Variants in CPM observed in about 807,000 individuals in gnomAD.
The protein encoded by CPM is renal carboxypeptidase.
Under a neutral mutation model 46.4 loss-of-function variants are expected in CPM, and 35 were observed. The observed-to-expected ratio is 0.75, with a 90% CI of 0.58 to 1.00. The LOEUF (loss-of-function observed/expected upper bound fraction) is 1.00. CPM is among the 50% of genes least tolerant of loss of function. The probability of loss-of-function intolerance (pLI) is 0.00; values close to 1 mark genes in which losing one functional copy is unlikely to be tolerated. For missense variants in CPM, 422 were observed against 530.4 expected, an observed-to-expected ratio of 0.80 and a Z score of 2.01; for synonymous variants, 195 against 195.3, an observed-to-expected ratio of 1.00 and a Z score of 0.01.
At chr12:68,961,905 A>ATTGTGGTAATAATGGCCGGGCGCGGTGG (rs1889120146) in intron 1 of CPM, among the ~76,000 whole-genome samples, 1 of 151,934 alleles carries the variant, frequency 6.6e-6, no homozygotes, top group African/African-American at 2.4e-5. Flanking sequence ...GTTTTAAAAA[A>ATTGTGGTAATAATGGCCGGGCGCGGTGG]CTGTGGTAAT....
chr12:68,907,817 G>GTTTATTTATTTA (rs1887416731), intron 2 of CPM, among the ~76,000 whole-genome samples: 1 of 141,806 alleles, frequency 7.1e-6, no homozygotes, highest in Non-Finnish European at 1.6e-5. Flanking sequence ...GGGCTGGGTT[G>GTTTATTTATTTA]GTTATTTATT....
Position 68,940,010 on chromosome 12 carries a change from T to G in CPM, c.-3-7170A>C, listed in dbSNP as rs185454236. 3.2e-3 allele frequency among the ~76,000 whole-genome samples: 493 copies of G among 152,046 alleles called. 5 individuals are homozygous for G. The highest frequency in any genetic ancestry group is 0.011 in the African/African-American group (466 of 41,566). The stretch of plus-strand genomic sequence containing the variant: ...GTGTATTAGTCTTTTCCTTCTGGAT[T>G]CATAGTTTTTTGATATATTCTTAGA... On this transcript the variant is annotated intron_variant, in intron 1 of 8. Transcript: ENST00000546373.
At chr12:68,874,809 G>A (rs189043751) in intron 3 of CPM, among the ~76,000 whole-genome samples, 2 of 152,220 alleles carry the variant, frequency 1.3e-5, no homozygotes, top group African/African-American at 4.8e-5. Context: ...CCCAAGTCAA[G>A]AACAGAGAGG....
chr12:68,947,642 T>G (rs1157134758), intron 1 of CPM, among the ~76,000 whole-genome samples: 1 of 151,638 alleles, frequency 6.6e-6, no homozygotes, highest in East Asian at 1.9e-4. Context: ...ATGACTAATT[T>G]TATTTATTAT....
chr12:68,853,260 T>C lies in CPM; in HGVS notation c.*3177A>G, dbSNP rs1327107038. On this transcript the variant is annotated 3_prime_UTR_variant, in exon 9 of 9. Coordinates refer to ENST00000551568, the MANE Select transcript of CPM (RefSeq NM_198320.5). The stretch of plus-strand genomic sequence containing the variant: ...AGTTGAAAAATTGCTTGGGGCTTGA[T>C]AGCAAATCAAGTTTCATCTTATATA... 1.3e-5 allele frequency: 2 copies of C among 152,188 alleles called. No homozygotes were observed. The highest frequency in any genetic ancestry group is 2.9e-5 in the Non-Finnish European group (2 of 68,012). 9.4% of individuals were successfully genotyped at this position (152,188 alleles called of 1,614,324 possible).
At chr12:68,906,011 T>C (rs947596843) in intron 2 of CPM, among the ~76,000 whole-genome samples, 5 of 152,190 alleles carry the variant, frequency 3.3e-5, no homozygotes, top group Admixed American at 2.0e-4. Flanking sequence ...CACCTTGGCA[T>C]GCAGGACTCA....
At chr12:68,916,317 G>T (rs1038858536) in intron 2 of CPM, among the ~76,000 whole-genome samples, 5 of 151,952 alleles carry the variant, frequency 3.3e-5, no homozygotes, top group African/African-American at 9.7e-5. Flanking sequence ...TGTGTGATCT[G>T]TGCTCTGTTG....
Position 68,856,524 on chromosome 12 carries a change from T to C in CPM, c.1245A>G (p.Leu415=). ...VSNPSCPMIP[L]YRNLPDHSAA... ...CTGAGTGGTCTGGCAAATTTCTGTATAGAGGAATCATTGGGCATGAAGGAT... is the reference window on the plus strand; with the variant it reads ...CTGAGTGGTCTGGCAAATTTCTGTACAGAGGAATCATTGGGCATGAAGGAT... Residue 415 remains leucine, a synonymous_variant, in exon 9 of 9, where the codon CTA becomes CTG. Transcript: ENST00000551568. The C allele has an allele frequency of 2.5e-6, 4 of 1,614,210 alleles. No individual in the cohort carries two copies. The highest frequency in any genetic ancestry group is 3.4e-6 in the Non-Finnish European group (4 of 1,180,022).
chr12:68,878,881 C>T (rs1886071146), intron 3 of CPM, among the ~76,000 whole-genome samples: 1 of 152,120 alleles, frequency 6.6e-6, no homozygotes, highest in South Asian at 2.1e-4. Context: ...CCCCCATCTC[C>T]CCAAAAAAGC....
At chr12:68,888,699 A>G (rs969826396) in intron 2 of CPM, among the ~76,000 whole-genome samples, 14 of 152,238 alleles carry the variant, frequency 9.2e-5, no homozygotes, top group Admixed American at 3.3e-4. Flanking sequence ...CAGGTGTTCT[A>G]AAGAGTTCTG....
intron 3 of CPM, among the ~76,000 whole-genome samples, chr12:68,877,714 T>C (rs565863361): frequency 7.9e-5 from 12 of 152,230 alleles, no homozygotes; most frequent in Admixed American, 3.9e-4. Flanking sequence ...CTGAGGATAG[T>C]GGTAGGAAAA....
At chr12:68,883,610 A>T (rs995148321) in intron 3 of CPM, among the ~76,000 whole-genome samples, 4 of 152,132 alleles carry the variant, frequency 2.6e-5, no homozygotes, top group African/African-American at 7.2e-5. Flanking sequence ...ACCAGACAAC[A>T]AGATGCCAGA....
chr12:68,913,534 G>A (rs2136295743), intron 2 of CPM, among the ~76,000 whole-genome samples: 1 of 152,194 alleles, frequency 6.6e-6, no homozygotes, highest in South Asian at 2.1e-4. Flanking sequence ...TCTAACAGAT[G>A]CAATTTTGAT....
chr12:68,907,025 C>A (rs1318546642), intron 2 of CPM, among the ~76,000 whole-genome samples: 1 of 152,214 alleles, frequency 6.6e-6, no homozygotes, highest in Non-Finnish European at 1.5e-5. Context: ...GCACGCTTCT[C>A]CATTTTTGAC....
In CPM at chr12:68,854,556, G is replaced by A. The variant is rs566832430; in HGVS notation, c.*1881C>T. 2 of 152,298 alleles carry A rather than the reference G, an allele frequency of 1.3e-5. No individual in the cohort carries two copies. The highest frequency in any genetic ancestry group is 4.8e-5 in the African/African-American group (2 of 41,562). 9.4% of individuals were successfully genotyped at this position (152,298 alleles called of 1,614,324 possible). A position where few individuals can be genotyped will look rare whatever the true frequency, so the allele number is the denominator to read the frequency against. ...TTATGGTCAGCCAAGGCTTCCTAGT[G>A]GAGCTGCTACCTGAACTGAGTTTTA... On this transcript the variant is annotated 3_prime_UTR_variant, in exon 9 of 9. Transcript: ENST00000551568.
At chr12:68,866,528 G>A (rs555118326) in intron 7 of CPM, among the ~76,000 whole-genome samples, 8 of 152,148 alleles carry the variant, frequency 5.3e-5, no homozygotes, top group Non-Finnish European at 1.0e-4. Context: ...ATTTTCAGTA[G>A]AGATGAGGTT....
chr12:68,926,365 G>T (rs984831147), intron 2 of CPM, among the ~76,000 whole-genome samples: 7 of 151,574 alleles, frequency 4.6e-5, no homozygotes, highest in Admixed American at 1.3e-4. Flanking sequence ...CCTCAGTTTG[G>T]TCTAGTCATA....
At chr12:68,846,183 G>C (rs1026461873), downstream of CPM, 1 of 152,192 alleles carries the variant, frequency 6.6e-6, no homozygotes. Context: ...TCGAACTCCT[G>C]ACCTCATGAT....
At chr12:68,882,010 C>T (rs1156269169) in intron 3 of CPM, among the ~76,000 whole-genome samples, 2 of 147,764 alleles carry the variant, frequency 1.4e-5, no homozygotes, top group Non-Finnish European at 3.0e-5. Context: ...GCGTGAGCCA[C>T]CACGCCCGGC....
Sources: gnomAD v4.1 joint callset for allele counts (sites outside exome capture counted in the v4.1 genomes callset) on GRCh38, gnomAD v4.1.1 for gene constraint, MANE v1.5 for transcripts, NCBI Gene and HGNC (gene_info 2026-07-23, HGNC 2026-07-21) for gene names.